PALLD: variants seen among roughly 807,000 people sequenced by gnomAD.
PALLD encodes the protein palladin, cytoskeletal associated protein.
A neutral mutation model predicts 123.5 loss-of-function variants in PALLD; 61 were observed. The ratio of observed to expected loss-of-function variants is 0.49; its 90% CI spans 0.40 to 0.61. PALLD has a LOEUF of 0.61. Among genes scored for constraint, PALLD ranks in the 20% least tolerant of loss-of-function variants. The pLI, the probability that PALLD is intolerant of heterozygous loss-of-function variation, is 0.00. For missense variants in PALLD, 1,273 were observed against 1,377.0 expected, an observed-to-expected ratio of 0.92 and a Z score of 1.20; for synonymous variants, 465 against 496.4, an observed-to-expected ratio of 0.94 and a Z score of 0.84.
chr4:168,783,033 A>G (rs1239643305), intron 10 of PALLD, among the ~76,000 whole-genome samples: 1 of 142,672 alleles, frequency 7.0e-6, no homozygotes, highest in Non-Finnish European at 1.5e-5. Flanking sequence ...CTACTCACAA[A>G]TTTTATATAT....
At chr4:168,820,044 A>G (rs1742499214) in intron 10 of PALLD, among the ~76,000 whole-genome samples, 2 of 152,260 alleles carry the variant, frequency 1.3e-5, no homozygotes, top group East Asian at 3.8e-4. Flanking sequence ...GAACTTAAAC[A>G]GTACTTCCAT....
At position 168,878,369 on chromosome 4, in the gene PALLD, G is replaced by A. The variant is rs1023738670; in HGVS notation, c.1965-12553G>A. On this transcript the variant is annotated intron_variant, in intron 10 of 21. Coordinates refer to ENST00000505667, the MANE Select transcript of PALLD (RefSeq NM_001166108.2). ...GCCGCCGGCGGCCGTCAACGCCCTG[G>A]GGCTGCCCAAGGGTGTCACCCCCGC... is the stretch of plus-strand genomic sequence containing the variant. 4.0e-6 allele frequency: 6 copies of A among 1,515,028 alleles called. No homozygotes were observed. The Admixed American group carries it at 1.0e-4, about 26-fold the overall frequency. The allele number at this position is 1,515,028 out of a possible 1,614,324, so 93.8% of individuals were successfully genotyped here. A position where few individuals can be genotyped will look rare whatever the true frequency, so the allele number is the denominator to read the frequency against.
chr4:168,816,370 A>G (rs1024255443), intron 10 of PALLD, among the ~76,000 whole-genome samples: 3 of 143,334 alleles, frequency 2.1e-5, no homozygotes, highest in Non-Finnish European at 3.0e-5. Context: ...ACTTAGACCT[A>G]TGTTATATGT....
chr4:168,811,909 C>T (rs188138345), intron 10 of PALLD, among the ~76,000 whole-genome samples: 1 of 152,010 alleles, frequency 6.6e-6, no homozygotes, highest in East Asian at 1.9e-4. Flanking sequence ...AAAACCATAT[C>T]AAAATATTGG....
At chr4:168,716,067 T>A (rs568444752) in intron 10 of PALLD, among the ~76,000 whole-genome samples, 1 of 152,178 alleles carries the variant, frequency 6.6e-6, no homozygotes, top group Admixed American at 6.5e-5. Flanking sequence ...TAGAAAGGCA[T>A]GGTCATGTTT....
At chr4:168,815,347 G>A (rs1300525114) in intron 10 of PALLD, among the ~76,000 whole-genome samples, 1 of 152,192 alleles carries the variant, frequency 6.6e-6, no homozygotes. Context: ...GAACCCACAA[G>A]TCACTTTGTA....
intron 12 of PALLD, among the ~76,000 whole-genome samples, chr4:168,895,606 G>A (rs1303412079): frequency 6.6e-6 from 1 of 152,296 alleles, no homozygotes; most frequent in East Asian, 1.9e-4. Context: ...TCATTAAGTG[G>A]AAGTGGGTCA....
chr4:168,502,554 C>T (rs925128830), intron 1 of PALLD, among the ~76,000 whole-genome samples: 2 of 151,968 alleles, frequency 1.3e-5, no homozygotes, highest in African/African-American at 4.8e-5. Flanking sequence ...AAAACAGAGC[C>T]CGGGACACAA....
At chr4:168,613,550 C>A (rs1773935864) in intron 2 of PALLD, among the ~76,000 whole-genome samples, 1 of 152,146 alleles carries the variant, frequency 6.6e-6, no homozygotes, top group South Asian at 2.1e-4. Context: ...GAAATGGATG[C>A]AGATTTTGGT....
intron 10 of PALLD, among the ~76,000 whole-genome samples, chr4:168,719,775 T>A (rs186797879): frequency 6.6e-6 from 1 of 152,270 alleles, no homozygotes; most frequent in Admixed American, 6.5e-5. Flanking sequence ...GTTCCCCTCC[T>A]AGTTTCCATG....
intron 2 of PALLD, among the ~76,000 whole-genome samples, chr4:168,600,114 T>TAC (rs1561291560): frequency 7.3e-6 from 1 of 137,224 alleles, no homozygotes; most frequent in African/African-American, 2.6e-5. Flanking sequence ...CACATATATA[T>TAC]ACATACATGT....
chr4:168,746,824 G>C (rs1217960212), intron 10 of PALLD, among the ~76,000 whole-genome samples: 2 of 152,080 alleles, frequency 1.3e-5, no homozygotes, highest in African/African-American at 2.4e-5. Flanking sequence ...TTATCAAAAG[G>C]GGTTGAGACA....
In PALLD at chr4:168,657,924, A is replaced by C. The variant is rs376725944; in HGVS notation, c.909-10266A>C. Among the ~76,000 whole-genome samples, 7 of 152,282 alleles carry C rather than the reference A, an allele frequency of 4.6e-5. No individual in the cohort carries two copies. In the East Asian group the frequency reaches 1.2e-3, roughly 25 times the overall value. Reference sequence around the variant, plus strand: ...ACCACCACCTCAAACCTGCCTATAAAATCCAGTGCACTCCCATTCGGGAGC... The same window carrying C: ...ACCACCACCTCAAACCTGCCTATAACATCCAGTGCACTCCCATTCGGGAGC... On this transcript the variant is annotated intron_variant, in intron 2 of 21. Coordinates refer to ENST00000505667, the MANE Select transcript of PALLD (RefSeq NM_001166108.2).
chr4:168,884,895 G>C (rs916466675), intron 10 of PALLD, among the ~76,000 whole-genome samples: 1 of 152,132 alleles, frequency 6.6e-6, no homozygotes, highest in Admixed American at 6.5e-5. Context: ...TAAGTGTTTA[G>C]TACACATTAG....
chr4:168,525,462 G>A (rs986668565), intron 2 of PALLD, among the ~76,000 whole-genome samples: 17 of 152,176 alleles, frequency 1.1e-4, no homozygotes, highest in African/African-American at 3.9e-4. Flanking sequence ...CTAGGTGTTA[G>A]GTGTGCAGAC....
chr4:168,525,537 A>T (rs1046478937), intron 2 of PALLD, among the ~76,000 whole-genome samples: 2 of 152,210 alleles, frequency 1.3e-5, no homozygotes, highest in South Asian at 2.1e-4. Flanking sequence ...GCCCCATTGT[A>T]CACACTCAGC....
intron 3 of PALLD, among the ~76,000 whole-genome samples, chr4:168,680,622 A>G (rs1781462681): frequency 1.3e-5 from 2 of 151,120 alleles, no homozygotes; most frequent in Admixed American, 6.6e-5. Flanking sequence ...CTATATGGTT[A>G]TTTTCCTATA....
chr4:168,750,415 C>T (rs893366534), intron 10 of PALLD, among the ~76,000 whole-genome samples: 1 of 152,146 alleles, frequency 6.6e-6, no homozygotes, highest in Non-Finnish European at 1.5e-5. Context: ...ATTTTCCTAT[C>T]ACCTTTATAT....
chr4:168,567,809 T>C (rs1033954708), intron 2 of PALLD, among the ~76,000 whole-genome samples: 1 of 151,636 alleles, frequency 6.6e-6, no homozygotes, highest in Non-Finnish European at 1.5e-5. Context: ...GGTGGGAGGA[T>C]GGGAGGGGGG....
Sources: gnomAD v4.1 joint callset for allele counts (sites outside exome capture counted in the v4.1 genomes callset) on GRCh38, gnomAD v4.1.1 for gene constraint, MANE v1.5 for transcripts, NCBI Gene and HGNC (gene_info 2026-07-23, HGNC 2026-07-21) for gene names.